The following PDE3A variants were observed in gnomAD, a reference collection of about 807,000 sequenced individuals.
The protein encoded by PDE3A is phosphodiesterase 3A.
PDE3A carries 43 observed loss-of-function variants against 98.3 expected under a neutral mutation model. The observed-to-expected ratio is 0.44, with a 90% CI of 0.34 to 0.56. The LOEUF is 0.56. PDE3A is among the 20% of genes least tolerant of loss of function. The pLI is 0.01. For synonymous variants in PDE3A, 663 were observed against 567.9 expected (o/e 1.17, Z -2.38); for missense variants, 1,427 against 1,440.7 (o/e 0.99, Z 0.15).
chr12:20,478,382 CA>C (rs1272410590), intron 1 of PDE3A, among the ~76,000 whole-genome samples: 1 of 152,202 alleles, frequency 6.6e-6, no homozygotes, highest in Non-Finnish European at 1.5e-5. Context: ...TATACACCCT[CA>C]TTAGAGCGAG....
intron 5 of PDE3A, among the ~76,000 whole-genome samples, chr12:20,621,988 C>CCTGG (rs1944147779): frequency 6.6e-6 from 1 of 152,038 alleles, no homozygotes; most frequent in African/African-American, 2.4e-5. Context: ...CAATTAAGAA[C>CCTGG]CTGGGAGATT....
chr12:20,490,625 A>G (rs1362025249), intron 1 of PDE3A, among the ~76,000 whole-genome samples: 1 of 152,188 alleles, frequency 6.6e-6, no homozygotes, highest in African/African-American at 2.4e-5. Flanking sequence ...ATGCAATTCA[A>G]AGCAAATTTA....
In PDE3A at chr12:20,370,013, G is replaced by A; in HGVS notation, c.729G>A (p.Leu243=). The stretch of plus-strand genomic sequence containing the variant: ...CCTGGAGACCTTACCTGGCGTACCT[G>A]GCCGGCGTGCTGGGGATCCTCTTGG... The part of the protein sequence containing the change: ...KVAWRPYLAY[L]AGVLGILLAR... Residue 243 remains leucine (L), a synonymous_variant, in exon 1 of 16, where the codon CTG becomes CTA. Transcript: ENST00000359062. The A allele has an allele frequency of 6.2e-7, 1 of 1,613,016 alleles. No homozygotes were observed. Among genetic ancestry groups the A allele is most frequent in the Non-Finnish European group, 8.5e-7 (1 of 1,179,952 alleles).
At chr12:20,658,595 G>C (rs541811519) in intron 15 of PDE3A, among the ~76,000 whole-genome samples, 1 of 152,152 alleles carries the variant, frequency 6.6e-6, no homozygotes, top group South Asian at 2.1e-4. Flanking sequence ...AAAAGTGCTG[G>C]AGGATGTTAT....
intron 1 of PDE3A, among the ~76,000 whole-genome samples, chr12:20,386,070 A>AAATATAT (rs1565532446): frequency 2.7e-5 from 1 of 37,116 alleles, no homozygotes; most frequent in Non-Finnish European, 4.8e-5. Flanking sequence ...AAATATATAT[A>AAATATAT]AAATATATAT....
intron 15 of PDE3A, among the ~76,000 whole-genome samples, chr12:20,665,959 C>CTTTTTTTTTTTTTTT: frequency 1.1e-5 from 1 of 94,978 alleles, no homozygotes. Context: ...TTTGTCATTT[C>CTTTTTTTTTTTTTTT]TTTTTTTTTT....
chr12:20,577,384 A>G (rs1025414117), intron 2 of PDE3A, among the ~76,000 whole-genome samples: 1 of 152,208 alleles, frequency 6.6e-6, no homozygotes, highest in Non-Finnish European at 1.5e-5. Flanking sequence ...TTCACCCGGT[A>G]GATAATAAAG....
intron 1 of PDE3A, among the ~76,000 whole-genome samples, chr12:20,505,995 G>A (rs975738167): frequency 6.6e-6 from 1 of 151,824 alleles, no homozygotes; most frequent in African/African-American, 2.4e-5. Flanking sequence ...GACCATAGTG[G>A]GTTTCAGTGG....
At chr12:20,474,538 C>T (rs1229829548) in intron 1 of PDE3A, among the ~76,000 whole-genome samples, 5 of 152,162 alleles carry the variant, frequency 3.3e-5, no homozygotes, top group Admixed American at 2.0e-4. Flanking sequence ...GTCATAAGCA[C>T]GAAGTCAGTT....
At chr12:20,629,456 T>C (rs1297589473) in intron 5 of PDE3A, among the ~76,000 whole-genome samples, 1 of 152,236 alleles carries the variant, frequency 6.6e-6, no homozygotes, top group Non-Finnish European at 1.5e-5. Context: ...TTTAAGCATC[T>C]GATGCCTGCT....
Position 20,613,713 on chromosome 12 carries a change from G to A in PDE3A, c.1269+13G>A, listed in dbSNP as rs746371564. 6.2e-7 allele frequency: 1 copy of A among 1,604,190 alleles called. No individual in the cohort carries two copies. Among genetic ancestry groups the A allele is most frequent in the Non-Finnish European group, 8.5e-7 (1 of 1,171,086 alleles). On this transcript the variant is annotated intron_variant, in intron 3 of 15. Transcript: ENST00000359062. ...TGCTATTCCAAAGGTAGGTAGTAAT[G>A]ACATACCCCTTAAAGGGTTAAACTA...
rs58496505 is a variant in PDE3A at position 20,687,914 on chromosome 12, G to GAAAAAA, written c.*7661_*7666dup. ...GACCAGTCATTACCTCTTCCCAACA[G>GAAAAAA]AAAAAAAAAAAAAAAAAAAAAAACT... On this transcript the variant is annotated 3_prime_UTR_variant, in exon 16 of 16. Transcript: ENST00000359062. Among the ~76,000 whole-genome samples the GAAAAAA allele has an allele frequency of 1.2e-3, 111 of 94,260 alleles. 6 individuals carry two copies. Among genetic ancestry groups the GAAAAAA allele is most frequent in the African/African-American group, 3.5e-3 (82 of 23,402 alleles). 61.8% of individuals were successfully genotyped at this position (94,260 alleles called of 152,430 possible).
At chr12:20,647,293 C>G (rs572587427) in intron 12 of PDE3A, among the ~76,000 whole-genome samples, 1 of 152,100 alleles carries the variant, frequency 6.6e-6, no homozygotes, top group African/African-American at 2.4e-5. Flanking sequence ...ATTTCTTGGA[C>G]TTTTAAGAAT....
At chr12:20,592,773 A>G (rs1222378473) in intron 2 of PDE3A, among the ~76,000 whole-genome samples, 6 of 152,166 alleles carry the variant, frequency 3.9e-5, no homozygotes, top group Admixed American at 3.9e-4. Context: ...CATGATACTC[A>G]GTAGGAGGTT....
intron 1 of PDE3A, among the ~76,000 whole-genome samples, chr12:20,522,811 G>A (rs1946452697): frequency 6.6e-6 from 1 of 152,004 alleles, no homozygotes; most frequent in Admixed American, 6.6e-5. Context: ...ATGGGGTGGG[G>A]CAGGGAAAAG....
chr12:20,435,305 C>A (rs1477818710), intron 1 of PDE3A, among the ~76,000 whole-genome samples: 1 of 152,032 alleles, frequency 6.6e-6, no homozygotes, highest in East Asian at 1.9e-4. Context: ...TAAAAATATC[C>A]CTCTGCTGTT....
chr12:20,601,907 G>GCAAA (rs1943602548), intron 2 of PDE3A, among the ~76,000 whole-genome samples: 1 of 152,082 alleles, frequency 6.6e-6, no homozygotes, highest in South Asian at 2.1e-4. Context: ...TTTAGCCTAA[G>GCAAA]CAAACAGAAG....
intron 15 of PDE3A, among the ~76,000 whole-genome samples, chr12:20,660,701 C>A (rs910598745): frequency 2.0e-5 from 3 of 152,168 alleles, no homozygotes; most frequent in Non-Finnish European, 2.9e-5. Context: ...CTGCTGCCAT[C>A]CATGTAAGAT....
intron 1 of PDE3A, among the ~76,000 whole-genome samples, chr12:20,444,843 G>T (rs889567301): frequency 6.6e-6 from 1 of 152,178 alleles, no homozygotes; most frequent in Non-Finnish European, 1.5e-5. Context: ...GGCATGGTAA[G>T]AAGACTTGGA....
Sources: allele counts gnomAD v4.1 joint callset (sites outside exome capture counted in the v4.1 genomes callset), GRCh38; gene constraint gnomAD v4.1.1; transcripts MANE v1.5; gene names NCBI Gene and HGNC (gene_info 2026-07-23, HGNC 2026-07-21).